The following MED6 variants were observed in gnomAD, a reference collection of about 807,000 sequenced individuals.
The protein encoded by MED6 is mediator complex subunit 6, also known as mediator of RNA polymerase II transcription subunit 6.
In MED6, 33 loss-of-function variants were observed where a neutral mutation model predicts 37.5. The observed-to-expected ratio is 0.88, with a 90% CI of 0.67 to 1.18. MED6 has a LOEUF of 1.18. Ranked by LOEUF, MED6 falls within the 50% of genes most tolerant of loss-of-function variation. MED6 has a pLI of 0.00. For missense variants in MED6, 235 were observed against 290.6 expected, an observed-to-expected ratio of 0.81 and a Z score of 1.39; for synonymous variants, 94 against 93.6, an observed-to-expected ratio of 1.00 and a Z score of -0.02.
At chr14:70,590,065 A>G (rs1249304053) in intron 6 of MED6, among the ~76,000 whole-genome samples, 1 of 152,228 alleles carries the variant, frequency 6.6e-6, no homozygotes, top group Non-Finnish European at 1.5e-5. Flanking sequence ...TTTTACATAC[A>G]TTCTTTTTCA....
At chr14:70,597,477 G>A in intron 2 of MED6, 141 bp downstream of exon 2, 1 of 566,550 alleles carries the variant, frequency 1.8e-6, no homozygotes, top group Non-Finnish European at 2.7e-6. Flanking sequence ...TACCCTGCAT[G>A]TCAAATTTGC....
At chr14:70,600,517 G>C in intron 1 of MED6, 99 bp downstream of exon 1, 1 of 1,361,120 alleles carries the variant, frequency 7.3e-7, no homozygotes, top group Non-Finnish European at 1.0e-6. Context: ...AAAAGCTTGA[G>C]ACTTCACACA....
intron 6 of MED6, among the ~76,000 whole-genome samples, chr14:70,589,438 C>T (rs1884808072): frequency 6.6e-6 from 1 of 152,130 alleles, no homozygotes; most frequent in African/African-American, 2.4e-5. Flanking sequence ...TTTAAATACC[C>T]AATGGGTCCT....
At position 70,597,780 on chromosome 14, in the gene MED6, A is replaced by G; in HGVS notation, c.23-3T>C. ...CCAAGAAATTCCCAGCAGATTGTCT[A>G]TGGGAAAGAAAACAAAATGATAAAG... On this transcript the variant is annotated splice_region_variant and splice_polypyrimidine_tract_variant and intron_variant, in intron 1 of 7. Transcript: ENST00000256379. 3 of 1,539,476 alleles carry G rather than the reference A, an allele frequency of 1.9e-6. No homozygotes were observed. Among genetic ancestry groups the G allele is most frequent in the Non-Finnish European group, 1.7e-6 (2 of 1,156,304 alleles).
chr14:70,593,839 CA>C (rs1884959155), intron 3 of MED6, among the ~76,000 whole-genome samples: 1 of 152,162 alleles, frequency 6.6e-6, no homozygotes, highest in South Asian at 2.1e-4. Flanking sequence ...CTGGGGGGTC[CA>C]GTGTAAAGAT....
intron 6 of MED6, among the ~76,000 whole-genome samples, chr14:70,588,885 G>A (rs1884792883): frequency 6.6e-6 from 1 of 151,940 alleles, no homozygotes; most frequent in Admixed American, 6.6e-5. Context: ...TTTCTATAAA[G>A]TAAAGAGTTT....
At chr14:70,584,972 G>A (rs775130415) in intron 7 of MED6, 29 bp from the exon 8 acceptor site, 5 of 1,606,724 alleles carry the variant, frequency 3.1e-6, no homozygotes, top group Non-Finnish European at 3.4e-6. Flanking sequence ...TTTTTTGGGA[G>A]GGAGATATGG....
intron 1 of MED6, 36 bp downstream of exon 1, chr14:70,600,580 G>C (rs758018503): frequency 7.4e-6 from 12 of 1,611,848 alleles, no homozygotes; most frequent in Non-Finnish European, 1.0e-5. Flanking sequence ...CTGGTCCACA[G>C]ACAATCAAGA....
At chr14:70,587,161 T>C (rs990890645) in intron 6 of MED6, among the ~76,000 whole-genome samples, 1 of 152,200 alleles carries the variant, frequency 6.6e-6, no homozygotes, top group Non-Finnish European at 1.5e-5. Context: ...TTGCTGCATT[T>C]TCACTGTTGA....
At chr14:70,596,797 TTAAA>T (rs1885061656) in intron 2 of MED6, 95 bp from the exon 3 acceptor site, 1 of 867,280 alleles carries the variant, frequency 1.2e-6, no homozygotes. Flanking sequence ...CAGCAACACT[TTAAA>T]TAGGATTAAA....
rs373684177 is a variant in MED6, at chr14:70,596,563, T to G, written c.274+48A>C. ...CAAGTTAGGTCAGGAAGTAAATAAA[T>G]TATGGTATTTTAAAAAGAAAACAAT... is the stretch of plus-strand genomic sequence containing the variant. On this transcript the variant is annotated intron_variant, in intron 3 of 7. Coordinates refer to ENST00000256379, the MANE Select transcript of MED6 (RefSeq NM_005466.4). The G allele has an allele frequency of 2.7e-5, 39 of 1,426,060 alleles. No homozygotes were observed. The East Asian group carries it at 3.4e-4, about 13-fold the overall frequency. 88.3% of individuals were successfully genotyped at this position (1,426,060 alleles called of 1,614,324 possible).
intron 1 of MED6, among the ~76,000 whole-genome samples, chr14:70,598,368 G>A (rs553191982): frequency 1.4e-4 from 21 of 152,148 alleles, no homozygotes; most frequent in African/African-American, 4.6e-4. Context: ...CTAGCTACTC[G>A]GGAGGCTGTG....
chr14:70,598,894 A>C (rs1017289432), intron 1 of MED6, among the ~76,000 whole-genome samples: 5 of 152,250 alleles, frequency 3.3e-5, no homozygotes, highest in African/African-American at 1.2e-4. Flanking sequence ...ATAATGATGT[A>C]AAAGCTAAGG....
At chr14:70,588,923 A>G (rs753437412) in intron 6 of MED6, among the ~76,000 whole-genome samples, 104 of 152,020 alleles carry the variant, frequency 6.8e-4, no homozygotes, top group Non-Finnish European at 1.3e-3. Context: ...AGAGTCTTTG[A>G]GCTTTCTATA....
chr14:70,583,363 T>C lies in MED6; in HGVS notation c.*1450A>G, dbSNP rs1337013945. 6.6e-6 allele frequency: 1 copy of C among 152,228 alleles called. No individual in the cohort carries two copies. Among genetic ancestry groups the C allele is most frequent in the Non-Finnish European group, 1.5e-5 (1 of 68,034 alleles). The allele number at this position is 152,228 out of a possible 1,614,324, so 9.4% of individuals were successfully genotyped here. On this transcript the variant is annotated 3_prime_UTR_variant, in exon 8 of 8. Transcript: ENST00000256379. ...TCTTCAACTACTTTAAATACTAAAA[T>C]ACCACTTTTGCTACTTAACACTAAA...
At chr14:70,584,982 G>C in intron 7 of MED6, 39 bp from the exon 8 acceptor site, 1 of 1,599,150 alleles carries the variant, frequency 6.3e-7, no homozygotes. Context: ...GGGAGATATG[G>C]GTGGGGGGAA....
intron 1 of MED6, among the ~76,000 whole-genome samples, chr14:70,598,023 C>T (rs764145897): frequency 2.6e-5 from 4 of 151,956 alleles, no homozygotes; most frequent in Non-Finnish European, 4.4e-5. Flanking sequence ...TGGCCGGGTG[C>T]GGTGGCTCAG....
rs1885116311 is a variant in MED6, at chr14:70,598,661, T to C, written c.23-884A>G. Among the ~76,000 whole-genome samples the C allele has an allele frequency of 3.3e-5, 5 of 152,082 alleles. No individual in the cohort carries two copies. The South Asian group carries it at 1.0e-3, about 31-fold the overall frequency. Reference sequence around the variant, plus strand: ...ATGTATATACAGAGGTGTAAAAATATAAAGTATATTATATCTTTAGAGAAT... The same window carrying C: ...ATGTATATACAGAGGTGTAAAAATACAAAGTATATTATATCTTTAGAGAAT... On this transcript the variant is annotated intron_variant, in intron 1 of 7. Coordinates refer to ENST00000256379, the MANE Select transcript of MED6 (RefSeq NM_005466.4).
intron 6 of MED6, among the ~76,000 whole-genome samples, chr14:70,589,590 C>T (rs530804351): frequency 2.0e-5 from 3 of 152,134 alleles, no homozygotes; most frequent in African/African-American, 7.2e-5. Flanking sequence ...GTTATGATAG[C>T]TATTGGTTTA....
Sources: allele counts gnomAD v4.1 joint callset (sites outside exome capture counted in the v4.1 genomes callset), GRCh38; gene constraint gnomAD v4.1.1; transcripts MANE v1.5; gene names NCBI Gene and HGNC (gene_info 2026-07-23, HGNC 2026-07-21).